The following CCDC30 variants were observed in gnomAD, a reference collection of about 807,000 sequenced individuals.
CCDC30 encodes the protein coiled-coil domain containing 30, also known as coiled-coil domain-containing protein 30.
Under a neutral mutation model 100.2 loss-of-function variants are expected in CCDC30, and 70 were observed. The observed-to-expected ratio is 0.70, with a 90% CI of 0.58 to 0.85. The LOEUF is 0.85. CCDC30 is among the 40% of genes least tolerant of loss of function. The probability of loss-of-function intolerance (pLI) is 0.00; values close to 1 mark genes in which losing one functional copy is unlikely to be tolerated. For synonymous variants in CCDC30, 233 were observed against 269.5 expected (o/e 0.86, Z 1.33); for missense variants, 652 against 771.2 (o/e 0.85, Z 1.83).
intron 9 of CCDC30, among the ~76,000 whole-genome samples, chr1:42,582,494 T>G (rs749764563): frequency 2.6e-5 from 4 of 152,176 alleles, no homozygotes; most frequent in Non-Finnish European, 4.4e-5. Context: ...ATCAAAACTC[T>G]TGGAAAATTG....
At chr1:42,503,717 C>T (rs1015345566) in intron 6 of CCDC30, among the ~76,000 whole-genome samples, 4 of 152,174 alleles carry the variant, frequency 2.6e-5, no homozygotes, top group Admixed American at 2.0e-4. Context: ...ACAGGCTGCT[C>T]TTTGTTAGAG....
intron 7 of CCDC30, among the ~76,000 whole-genome samples, 197 bp downstream of exon 11, chr1:42,566,672 G>T (rs1645613002): frequency 2.0e-5 from 3 of 152,072 alleles, no homozygotes; most frequent in African/African-American, 7.2e-5. Flanking sequence ...ATAGAAAAAG[G>T]CATTAAATTA....
At chr1:42,616,472 T>C (rs1397643312) in intron 11 of CCDC30, among the ~76,000 whole-genome samples, 1 of 152,226 alleles carries the variant, frequency 6.6e-6, no homozygotes, top group South Asian at 2.1e-4. Context: ...AAACTCTACC[T>C]TTATTTTTGT....
intron 6 of CCDC30, among the ~76,000 whole-genome samples, chr1:42,516,803 G>A (rs1376224832): frequency 6.6e-6 from 1 of 152,002 alleles, no homozygotes; most frequent in Non-Finnish European, 1.5e-5. Flanking sequence ...TATTGTTATA[G>A]CAATACAAAA....
intron 6 of CCDC30, among the ~76,000 whole-genome samples, chr1:42,518,927 T>G (rs1169362525): frequency 6.6e-6 from 1 of 152,224 alleles, no homozygotes; most frequent in Non-Finnish European, 1.5e-5. Flanking sequence ...ATTTTTCATA[T>G]GGATTTTTAT....
intron 6 of CCDC30, among the ~76,000 whole-genome samples, chr1:42,551,644 T>C (rs1441560351): frequency 6.6e-6 from 1 of 152,106 alleles, no homozygotes; most frequent in African/African-American, 2.4e-5. Flanking sequence ...AATAAAGTAA[T>C]ACATACTATT....
Position 42,491,932 on chromosome 1 carries a change from G to A in CCDC30, c.241+1703G>A, listed in dbSNP as rs76375511. 2,626 of 743,770 alleles carry A rather than the reference G, an allele frequency of 3.5e-3. 56 individuals are homozygous for A. In the African/African-American group the frequency reaches 0.044, roughly 12 times the overall value. 46.1% of individuals were successfully genotyped at this position (743,770 alleles called of 1,614,324 possible). On this transcript the variant is annotated intron_variant, in intron 4 of 16. Coordinates refer to ENST00000668663, the Ensembl canonical transcript of CCDC30. Reference sequence around the variant, plus strand: ...ATTGCATCTGATAGCCTCAAGCGTCGTGTGTTTGAAGTGAGTCTTGCTGAT... The same window carrying A: ...ATTGCATCTGATAGCCTCAAGCGTCATGTGTTTGAAGTGAGTCTTGCTGAT...
chr1:42,653,844 C>T (rs751006120), exon 17 of CCDC30: 3 of 1,613,888 alleles, frequency 1.9e-6, no homozygotes, highest in Non-Finnish European at 1.7e-6. Flanking sequence ...TTGGTAGAGT[C>T]ATTTGCAAGT....
At chr1:42,516,844 G>C (rs569910251) in intron 6 of CCDC30, among the ~76,000 whole-genome samples, 1 of 152,208 alleles carries the variant, frequency 6.6e-6, no homozygotes, top group African/African-American at 2.4e-5. Flanking sequence ...TAGTGGTTTT[G>C]ATTTGCATTT....
chr1:42,547,156 C>T (rs193160061), intron 6 of CCDC30, among the ~76,000 whole-genome samples: 19 of 152,104 alleles, frequency 1.2e-4, no homozygotes, highest in African/African-American at 3.6e-4. Flanking sequence ...CTTGGAGTGA[C>T]GATGGGGAAG....
intron 4 of CCDC30, 21 bp from the exon 5 acceptor site, chr1:42,497,077 C>T (rs1644243122): frequency 4.2e-6 from 5 of 1,190,974 alleles, no homozygotes; most frequent in Admixed American, 8.5e-5. Context: ...GTTGAGTAAA[C>T]TGTGTTCTTC....
intron 11 of CCDC30, among the ~76,000 whole-genome samples, chr1:42,619,450 A>AT (rs1480341443): frequency 1.3e-5 from 2 of 152,204 alleles, no homozygotes; most frequent in African/African-American, 4.8e-5. Flanking sequence ...ATGCAAATCT[A>AT]TTAATGTGTG....
intron 6 of CCDC30, among the ~76,000 whole-genome samples, chr1:42,546,066 T>C (rs1425160948): frequency 4.6e-5 from 7 of 151,916 alleles, no homozygotes; most frequent in African/African-American, 1.7e-4. Context: ...TTTAAAACTT[T>C]TTTCCTGCTT....
intron 6 of CCDC30, among the ~76,000 whole-genome samples, chr1:42,516,709 T>C (rs188656493): frequency 6.6e-6 from 1 of 152,194 alleles, no homozygotes; most frequent in East Asian, 1.9e-4. Context: ...CCTTACCACA[T>C]GCAGCTGCTC....
intron 11 of CCDC30, among the ~76,000 whole-genome samples, chr1:42,629,096 T>C (rs1017631633): frequency 1.3e-5 from 2 of 152,252 alleles, no homozygotes; most frequent in African/African-American, 4.8e-5. Context: ...TTTGTGGTTT[T>C]CTATGTATTT....
intron 5 of CCDC30, among the ~76,000 whole-genome samples, chr1:42,497,863 A>G (rs1644253020): frequency 2.0e-5 from 3 of 152,170 alleles, no homozygotes; most frequent in Admixed American, 2.0e-4. Flanking sequence ...CACCATGGAA[A>G]ACAGTTACTC....
intron 10 of CCDC30, among the ~76,000 whole-genome samples, chr1:42,605,489 T>C (rs1375583060): frequency 6.6e-6 from 1 of 151,964 alleles, no homozygotes; most frequent in Non-Finnish European, 1.5e-5. Context: ...AAAGTCATTA[T>C]TTTTTTTCAG....
At chr1:42,633,161 T>C (rs1647073675) in intron 11 of CCDC30, among the ~76,000 whole-genome samples, 1 of 152,050 alleles carries the variant, frequency 6.6e-6, no homozygotes, top group Non-Finnish European at 1.5e-5. Flanking sequence ...AAATAATGAG[T>C]GAGGGAGCTA....
chr1:42,502,984 G>T (rs968778253), intron 6 of CCDC30, among the ~76,000 whole-genome samples: 1 of 152,152 alleles, frequency 6.6e-6, no homozygotes, highest in Non-Finnish European at 1.5e-5. Flanking sequence ...CCAGGCTCAA[G>T]CAATTTTCCC....
Sources: gnomAD v4.1 joint callset for allele counts (sites outside exome capture counted in the v4.1 genomes callset) on GRCh38, gnomAD v4.1.1 for gene constraint, MANE v1.5 for transcripts, NCBI Gene and HGNC (gene_info 2026-07-23, HGNC 2026-07-21) for gene names.